The following NRXN3 variants were observed in gnomAD, a reference collection of about 807,000 sequenced individuals.
NRXN3 encodes neurexin III.
Under a neutral mutation model 137.6 loss-of-function variants are expected in NRXN3, and 32 were observed. The ratio of observed to expected loss-of-function variants is 0.23; its 90% CI spans 0.18 to 0.31. The LOEUF is 0.31. Ranked by LOEUF, NRXN3 falls within the 10% of genes least tolerant of loss-of-function variation. The probability of loss-of-function intolerance (pLI) is 1.00; values close to 1 mark genes in which losing one functional copy is unlikely to be tolerated. For synonymous variants in NRXN3, 798 were observed against 784.5 expected, an observed-to-expected ratio of 1.02 and a Z score of -0.29; for missense variants, 1,574 against 2,062.5, an observed-to-expected ratio of 0.76 and a Z score of 4.59.
chr14:78,663,653 A>G (rs906730810), intron 6 of NRXN3, among the ~76,000 whole-genome samples: 10 of 152,124 alleles, frequency 6.6e-5, no homozygotes, highest in Admixed American at 2.0e-4. Flanking sequence ...TACTATTTAG[A>G]CTTATTATGA....
chr14:78,804,191 C>T (rs1202320642), intron 9 of NRXN3, among the ~76,000 whole-genome samples: 2 of 152,204 alleles, frequency 1.3e-5, no homozygotes, highest in Non-Finnish European at 2.9e-5. Context: ...ACAGTCACAG[C>T]TGAGGTCAGG....
At chr14:78,297,242 G>A (rs940020732) in intron 3 of NRXN3, among the ~76,000 whole-genome samples, 5 of 152,136 alleles carry the variant, frequency 3.3e-5, no homozygotes, top group Non-Finnish European at 5.9e-5. Flanking sequence ...GGTTGTCTGA[G>A]CAACTCTTGT....
intron 15 of NRXN3, among the ~76,000 whole-genome samples, chr14:79,366,811 A>G (rs1265433787): frequency 6.6e-6 from 1 of 152,216 alleles, no homozygotes; most frequent in African/African-American, 2.4e-5. Flanking sequence ...TTTTCTGGAT[A>G]GCATTCTCGA....
chr14:78,964,314 G>A (rs932492084), intron 11 of NRXN3, among the ~76,000 whole-genome samples: 2 of 152,196 alleles, frequency 1.3e-5, no homozygotes, highest in South Asian at 4.1e-4. Flanking sequence ...CTGAACTTCA[G>A]AATTAGACAG....
chr14:78,801,971 G>A (rs2098840518), intron 8 of NRXN3, among the ~76,000 whole-genome samples: 1 of 152,130 alleles, frequency 6.6e-6, no homozygotes, highest in Non-Finnish European at 1.5e-5. Flanking sequence ...TTAGAACAGG[G>A]ACCTTGTCTG....
At chr14:79,383,575 T>C (rs895316211) in intron 15 of NRXN3, among the ~76,000 whole-genome samples, 3 of 152,162 alleles carry the variant, frequency 2.0e-5, no homozygotes, top group Non-Finnish European at 1.5e-5. Context: ...AAGCATATTG[T>C]TCAGCATTGC....
intron 10 of NRXN3, among the ~76,000 whole-genome samples, chr14:78,921,868 G>A (rs2099271743): frequency 6.6e-6 from 1 of 152,136 alleles, no homozygotes; most frequent in Non-Finnish European, 1.5e-5. Flanking sequence ...GCATTTAGGA[G>A]ATTTGTAGTA....
At chr14:78,300,378 G>A (rs1405971616) in intron 4 of NRXN3, among the ~76,000 whole-genome samples, 1 of 152,236 alleles carries the variant, frequency 6.6e-6, no homozygotes, top group Non-Finnish European at 1.5e-5. Flanking sequence ...CTGAGGATGG[G>A]ACTGAGAAGA....
Position 79,836,581 on chromosome 14 carries a change from G to A in NRXN3, c.4094-24761G>A, listed in dbSNP as rs2099344372. On this transcript the variant is annotated intron_variant, in intron 20 of 20. Transcript: ENST00000335750. ...TTTATAATAGGAGTTCTCCAACAGA[G>A]AAAGAGCTGCTTACAGCTTCAGAGT... 2.6e-5 allele frequency among the ~76,000 whole-genome samples: 4 copies of A among 152,296 alleles called. No homozygotes were observed. The South Asian group carries it at 8.3e-4, about 32-fold the overall frequency.
chr14:79,569,630 T>TGTGAGAGA lies in NRXN3; in HGVS notation c.3445-94147_3445-94146insTGAGAGAG, dbSNP rs775452045. ...GTGTGTGTGTGTGTGTGTGTGTGTG[T>TGTGAGAGA]GAGAGAGAGAGAGAGAGAGACAGAG... On this transcript the variant is annotated intron_variant, in intron 16 of 20. Coordinates refer to ENST00000335750, the MANE Select transcript of NRXN3 (RefSeq NM_001330195.2). 5.9e-5 allele frequency among the ~76,000 whole-genome samples: 8 copies of TGTGAGAGA among 135,778 alleles called. No homozygotes were observed. In the East Asian group the frequency reaches 1.5e-3, roughly 26 times the overall value. The allele number at this position is 135,778 out of a possible 152,430, so 89.1% of individuals were successfully genotyped here.
At chr14:79,807,748 T>C (rs2099214016) in intron 20 of NRXN3, among the ~76,000 whole-genome samples, 1 of 152,172 alleles carries the variant, frequency 6.6e-6, no homozygotes, top group Admixed American at 6.5e-5. Flanking sequence ...TCTAGGAGGC[T>C]GATATTGATT....
chr14:79,341,762 G>A (rs531850198), intron 15 of NRXN3, among the ~76,000 whole-genome samples: 20 of 152,228 alleles, frequency 1.3e-4, no homozygotes, highest in Admixed American at 1.3e-3. Flanking sequence ...TATTATGAAA[G>A]ATATGCTTTA....
chr14:78,461,475 C>G (rs2094919020), intron 4 of NRXN3, among the ~76,000 whole-genome samples: 1 of 152,122 alleles, frequency 6.6e-6, no homozygotes, highest in Admixed American at 6.5e-5. Context: ...ATGAAAAATT[C>G]TGCTGCCATG....
chr14:79,583,137 ATTT>A (rs1192934042), intron 16 of NRXN3, among the ~76,000 whole-genome samples: 4 of 152,202 alleles, frequency 2.6e-5, no homozygotes, highest in Admixed American at 1.3e-4. Flanking sequence ...AGAGGGAATA[ATTT>A]TTCTCTAAAT....
chr14:79,730,945 G>A (rs892595592), intron 19 of NRXN3, among the ~76,000 whole-genome samples: 1 of 152,112 alleles, frequency 6.6e-6, no homozygotes, highest in Non-Finnish European at 1.5e-5. Context: ...GTAGGAAAGG[G>A]GGCATTAGCA....
intron 3 of NRXN3, among the ~76,000 whole-genome samples, chr14:78,285,874 C>T (rs2075106328): frequency 6.6e-6 from 1 of 152,152 alleles, no homozygotes; most frequent in Non-Finnish European, 1.5e-5. Context: ...GAAGGGGGCC[C>T]TCAGCTGGGC....
At chr14:78,920,018 G>T (rs1400472017) in intron 10 of NRXN3, among the ~76,000 whole-genome samples, 2 of 152,162 alleles carry the variant, frequency 1.3e-5, no homozygotes, top group Non-Finnish European at 1.5e-5. Context: ...AAATAAAGAA[G>T]TTGAAATTTT....
intron 15 of NRXN3, among the ~76,000 whole-genome samples, chr14:79,029,094 G>A (rs1045159841): frequency 4.0e-5 from 6 of 151,620 alleles, no homozygotes; most frequent in Admixed American, 1.3e-4. Context: ...GGAAGAAAGA[G>A]AGAATGAAAA....
intron 19 of NRXN3, among the ~76,000 whole-genome samples, chr14:79,710,014 T>C (rs923656601): frequency 1.3e-5 from 2 of 152,138 alleles, no homozygotes; most frequent in Non-Finnish European, 2.9e-5. Flanking sequence ...ACAGTTTTTA[T>C]GAAAGAGAAT....
Sources: gnomAD v4.1 joint callset for allele counts (sites outside exome capture counted in the v4.1 genomes callset) on GRCh38, gnomAD v4.1.1 for gene constraint, MANE v1.5 for transcripts, NCBI Gene and HGNC (gene_info 2026-07-23, HGNC 2026-07-21) for gene names.